ABTB2: variants seen among roughly 807,000 people sequenced by gnomAD.
ABTB2 encodes the protein ankyrin repeat and BTB/POZ domain-containing protein 2.
A neutral mutation model predicts 104.1 loss-of-function variants in ABTB2; 56 were observed. That is an observed-to-expected ratio of 0.54 (90% CI 0.43 to 0.67). The LOEUF is 0.67. ABTB2 is among the 30% of genes least tolerant of loss of function. The pLI, the probability that ABTB2 is intolerant of heterozygous loss-of-function variation, is 0.00. For synonymous variants in ABTB2, 606 were observed against 608.2 expected (o/e 1.00, Z 0.05); for missense variants, 1,279 against 1,407.7 (o/e 0.91, Z 1.46).
At position 34,315,863 on chromosome 11, in the gene ABTB2, C is replaced by T. The variant is rs548276669; in HGVS notation, c.883+40838G>A. On this transcript the variant is annotated intron_variant, in intron 1 of 16. Transcript: ENST00000435224. Reference sequence around the variant, plus strand: ...ACAGAATTCCCAACACCTGTGCCAGCCAGGTGCCAGGCATCTACCCCTCAC... The same window carrying T: ...ACAGAATTCCCAACACCTGTGCCAGTCAGGTGCCAGGCATCTACCCCTCAC... 1.2e-4 allele frequency among the ~76,000 whole-genome samples: 18 copies of T among 152,288 alleles called. No homozygotes were observed. In the South Asian group the frequency reaches 3.7e-3, roughly 32 times the overall value.
rs539231956 is a variant in ABTB2, at chr11:34,357,031, A to G, written c.553T>C (p.Tyr185His). ...ALAAVKALSL[Y>H]SMSAGDGLRR... Reference sequence around the variant, plus strand: ...AGCCCGTCGCCGGCGCTCATGCTGTACAGGGACAGCGCCTTGACGGCTGCC... The same window carrying G: ...AGCCCGTCGCCGGCGCTCATGCTGTGCAGGGACAGCGCCTTGACGGCTGCC... The change falls in exon 1 of 17, where the codon TAC becomes CAC. Residue 185 changes from tyrosine (Y) to histidine (H), a missense_variant. Transcript: ENST00000435224. The G allele has an allele frequency of 2.9e-4, 454 of 1,547,120 alleles. 3 individuals are homozygous for G. The South Asian group carries it at 5.1e-3, about 17-fold the overall frequency.
intron 5 of ABTB2, among the ~76,000 whole-genome samples, chr11:34,169,171 T>C (rs564191224): frequency 5.4e-4 from 82 of 152,316 alleles, no homozygotes; most frequent in Non-Finnish European, 7.2e-4. Flanking sequence ...GACTTACTTT[T>C]TTCTCCACAC....
At chr11:34,298,464 A>T (rs764054656) in intron 1 of ABTB2, among the ~76,000 whole-genome samples, 33 of 124,036 alleles carry the variant, frequency 2.7e-4, no homozygotes, top group Non-Finnish European at 2.2e-4. Context: ...TAAAAAAATT[A>T]AAAAAAAAAT....
At chr11:34,206,051 C>T (rs907440995) in intron 1 of ABTB2, among the ~76,000 whole-genome samples, 5 of 152,132 alleles carry the variant, frequency 3.3e-5, no homozygotes, top group Admixed American at 3.3e-4. Flanking sequence ...TACGTTATCT[C>T]ATTTATTCTT....
chr11:34,287,988 G>A (rs1854526002), intron 1 of ABTB2, among the ~76,000 whole-genome samples: 2 of 152,142 alleles, frequency 1.3e-5, no homozygotes, highest in African/African-American at 2.4e-5. Context: ...AATAAGCCAC[G>A]AGGAAGAGAG....
chr11:34,355,438 T>G (rs1448899617), intron 1 of ABTB2, among the ~76,000 whole-genome samples: 1 of 152,202 alleles, frequency 6.6e-6, no homozygotes, highest in Non-Finnish European at 1.5e-5. Context: ...GGTACCTTGG[T>G]TTCCTTATCT....
chr11:34,345,709 C>T (rs1350709361), intron 1 of ABTB2, among the ~76,000 whole-genome samples: 1 of 152,220 alleles, frequency 6.6e-6, no homozygotes, highest in Non-Finnish European at 1.5e-5. Flanking sequence ...ATAGTCCTGG[C>T]CTGCCCAGCT....
intron 1 of ABTB2, among the ~76,000 whole-genome samples, chr11:34,212,642 G>A (rs1853495183): frequency 2.6e-5 from 4 of 152,160 alleles, no homozygotes; most frequent in Admixed American, 2.6e-4. Flanking sequence ...AGGAGAACAC[G>A]AGGCTCTCCC....
chr11:34,322,086 C>T (rs1237466695), intron 1 of ABTB2, among the ~76,000 whole-genome samples: 1 of 152,138 alleles, frequency 6.6e-6, no homozygotes, highest in Non-Finnish European at 1.5e-5. Context: ...GGTTCACAGC[C>T]CTTCAGGGCT....
Position 34,357,632 on chromosome 11 carries a change from C to G in ABTB2, c.-49G>C. 6.9e-7 allele frequency: 1 copy of G among 1,450,970 alleles called. No individual in the cohort carries two copies. The highest frequency in any genetic ancestry group is 9.1e-7 in the Non-Finnish European group (1 of 1,100,096). The allele number at this position is 1,450,970 out of a possible 1,614,324, so 89.9% of individuals were successfully genotyped here. A position where few individuals can be genotyped will look rare whatever the true frequency, so the allele number is the denominator to read the frequency against. On this transcript the variant is annotated 5_prime_UTR_variant, in exon 1 of 17. Transcript: ENST00000435224. ...CGCCGAGCGAGGGGCACTCACAACT[C>G]CATGCCCTCTTTCCCAAGTGGGCAG... is the stretch of plus-strand genomic sequence containing the variant.
At chr11:34,305,498 G>C (rs192646033) in intron 1 of ABTB2, among the ~76,000 whole-genome samples, 1 of 152,198 alleles carries the variant, frequency 6.6e-6, no homozygotes, top group Non-Finnish European at 1.5e-5. Flanking sequence ...TTGAGGTTTC[G>C]CCTTCCTAGC....
chr11:34,267,802 T>G (rs1022983205), intron 1 of ABTB2, among the ~76,000 whole-genome samples: 2 of 152,242 alleles, frequency 1.3e-5, no homozygotes, highest in African/African-American at 2.4e-5. Flanking sequence ...GGGGGTTTTT[T>G]GGGGTACCTC....
At chr11:34,255,709 G>A (rs1854113493) in intron 1 of ABTB2, among the ~76,000 whole-genome samples, 1 of 152,100 alleles carries the variant, frequency 6.6e-6, no homozygotes, top group South Asian at 2.1e-4. Flanking sequence ...TAGAGACAGG[G>A]TTTCACCATG....
intron 2 of ABTB2, among the ~76,000 whole-genome samples, chr11:34,198,356 C>T (rs1026627125): frequency 1.3e-5 from 2 of 151,796 alleles, no homozygotes; most frequent in Non-Finnish European, 2.9e-5. Flanking sequence ...ACCTGGGAGG[C>T]GGAGGTGGCA....
chr11:34,211,905 A>G (rs1327696785), intron 1 of ABTB2, among the ~76,000 whole-genome samples: 3 of 142,102 alleles, frequency 2.1e-5, no homozygotes, highest in East Asian at 3.9e-4. Flanking sequence ...CCTGTCTCAA[A>G]AAAAAAAAAA....
chr11:34,326,928 G>A (rs907251185), intron 1 of ABTB2, among the ~76,000 whole-genome samples: 3 of 152,010 alleles, frequency 2.0e-5, no homozygotes, highest in African/African-American at 7.2e-5. Context: ...AAATTATTTT[G>A]TATTTGGGCG....
intron 1 of ABTB2, among the ~76,000 whole-genome samples, chr11:34,268,007 T>G (rs1415468368): frequency 6.6e-6 from 1 of 152,156 alleles, no homozygotes; most frequent in Non-Finnish European, 1.5e-5. Flanking sequence ...CTCGGCTCAC[T>G]ACAACCTCTG....
intron 1 of ABTB2, among the ~76,000 whole-genome samples, chr11:34,317,322 C>T (rs1168810317): frequency 6.6e-6 from 1 of 152,160 alleles, no homozygotes; most frequent in South Asian, 2.1e-4. Flanking sequence ...GCTTTCTACC[C>T]TGGAGACTAT....
At chr11:34,174,324 CAAAAAAAAAAAAAA>C (rs545699866) in intron 3 of ABTB2, among the ~76,000 whole-genome samples, 4 of 114,914 alleles carry the variant, frequency 3.5e-5, no homozygotes, top group Non-Finnish European at 5.5e-5. Context: ...GACTCCGTCT[CAAAAAAAAAAAAAA>C]AAAAAAAAAA....
Sources: gnomAD v4.1 joint callset for allele counts (sites outside exome capture counted in the v4.1 genomes callset) on GRCh38, gnomAD v4.1.1 for gene constraint, MANE v1.5 for transcripts, NCBI Gene and HGNC (gene_info 2026-07-23, HGNC 2026-07-21) for gene names.